The following LOC131768270 variants were observed in gnomAD, a reference collection of about 807,000 sequenced individuals.
the LOC131768270 span, among the ~76,000 whole-genome samples, chr5:140,566,220 A>G: frequency 6.6e-6 from 1 of 152,214 alleles, no homozygotes; most frequent in Non-Finnish European, 1.5e-5. Flanking sequence ...AGGAAGTAGC[A>G]TTATAAACAT....
the LOC131768270 span, chr5:140,567,576 A>G: frequency 5.6e-6 from 9 of 1,614,134 alleles, no homozygotes; most frequent in South Asian, 9.9e-5. Flanking sequence ...TGCCTCCGGC[A>G]CCGCCTCTCT....
chr5:140,567,228 C>T, the LOC131768270 span: 1 of 1,614,190 alleles, frequency 6.2e-7, no homozygotes. Context: ...GCCCGCTGGA[C>T]CCTGATGCTA....
the LOC131768270 span, chr5:140,567,736 G>T: frequency 6.2e-7 from 1 of 1,614,146 alleles, no homozygotes; most frequent in Non-Finnish European, 8.5e-7. Flanking sequence ...CGCTAGGCCT[G>T]CTGCTCCTCA....
chr5:140,566,826 G>A, the LOC131768270 span: 1 of 602,852 alleles, frequency 1.7e-6, no homozygotes, highest in Non-Finnish European at 3.0e-6. Flanking sequence ...ACTTTATCTG[G>A]ATTCCCCAGC....
the LOC131768270 span, chr5:140,565,587 A>C: frequency 4.5e-6 from 1 of 223,186 alleles, no homozygotes; most frequent in East Asian, 9.1e-5. Flanking sequence ...AAAGGTCCCT[A>C]GCTGTCCCTC....
At chr5:140,567,981 T>C in the LOC131768270 span, 1 of 1,614,168 alleles carries the variant, frequency 6.2e-7, no homozygotes, top group Non-Finnish European at 8.5e-7. Flanking sequence ...TCTGCTGTCA[T>C]GAAGCATGGC....
chr5:140,567,939 T>C, the LOC131768270 span: 1 of 1,614,072 alleles, frequency 6.2e-7, no homozygotes, highest in African/African-American at 1.3e-5. Flanking sequence ...GCACTCGTGG[T>C]GCTGAGCCAG....
At chr5:140,565,622 T>C in the LOC131768270 span, 1 of 293,934 alleles carries the variant, frequency 3.4e-6, no homozygotes, top group Non-Finnish European at 6.2e-6. Context: ...TACTGCTTGC[T>C]ATATAAAATT....
the LOC131768270 span, chr5:140,567,530 C>G: frequency 6.2e-7 from 1 of 1,614,206 alleles, no homozygotes; most frequent in Non-Finnish European, 8.5e-7. Context: ...GCTGAGTAAT[C>G]TCAAGATTGG....
chr5:140,567,629 GC>G, the LOC131768270 span: 1 of 1,614,052 alleles, frequency 6.2e-7, no homozygotes, highest in Non-Finnish European at 8.5e-7. Flanking sequence ...GGCTGCGGGA[GC>G]CTGCTATGCA....
the LOC131768270 span, chr5:140,564,942 G>T: frequency 2.5e-6 from 1 of 400,586 alleles, no homozygotes; most frequent in South Asian, 1.2e-4. This position sits in a 1 kb window ranked among gnomAD's most constrained non-coding sequence, Gnocchi z 5.0. Context: ...AGCGACTCTG[G>T]AGCGGCTCAG....
At chr5:140,568,630 G>C in the LOC131768270 span, 1 of 188,562 alleles carries the variant, frequency 5.3e-6, no homozygotes, top group Admixed American at 6.1e-5. Context: ...TTTCATGCAA[G>C]AAGGCCCAGT....
the LOC131768270 span, chr5:140,568,257 T>G: frequency 6.5e-7 from 1 of 1,538,542 alleles, no homozygotes; most frequent in Admixed American, 1.8e-5. Flanking sequence ...AAGTGCCTTG[T>G]GAGAAAAGCT....
chr5:140,565,625 A>G, the LOC131768270 span: 1 of 299,218 alleles, frequency 3.3e-6, no homozygotes. Flanking sequence ...TGCTTGCTAT[A>G]TAAAATTCTT....
At chr5:140,566,943 C>G in the LOC131768270 span, 1 of 704,794 alleles carries the variant, frequency 1.4e-6, no homozygotes, top group Non-Finnish European at 2.5e-6. Flanking sequence ...TTCCTTCTTC[C>G]CCTTCCTAGC....
the LOC131768270 span, chr5:140,566,629 T>A: frequency 4.5e-6 from 2 of 445,350 alleles, no homozygotes; most frequent in African/African-American, 4.0e-5. Context: ...GTGGCCAAAC[T>A]GAGGGCATCA....
chr5:140,565,595 C>T, the LOC131768270 span: 1 of 240,176 alleles, frequency 4.2e-6, no homozygotes, highest in Non-Finnish European at 7.9e-6. Context: ...CTAGCTGTCC[C>T]TCCTGCCTTT....
chr5:140,567,312 T>G, the LOC131768270 span: 1 of 1,614,158 alleles, frequency 6.2e-7, no homozygotes, highest in South Asian at 1.1e-5. Context: ...CGAGTGCCCT[T>G]CCGGCCCTCC....
chr5:140,567,926 G>C, the LOC131768270 span: 4 of 1,614,208 alleles, frequency 2.5e-6, no homozygotes, highest in African/African-American at 1.3e-5. Context: ...CTCAGGATGG[G>C]CAGCACTCGT....
Sources: gnomAD v4.1 joint callset for allele counts (sites outside exome capture counted in the v4.1 genomes callset) on GRCh38, gnomAD v4.1.1 for gene constraint, Gnocchi (gnomAD v3.1) non-coding constraint, MANE v1.5 for transcripts.